The following PSD3 variants were observed in gnomAD, a reference collection of about 807,000 sequenced individuals.
PSD3 encodes the protein pleckstrin and Sec7 domain containing 3.
In PSD3, 49 loss-of-function variants were observed where a neutral mutation model predicts 105.5. That is an observed-to-expected ratio of 0.46 (90% CI 0.37 to 0.59). The LOEUF is 0.59. Ranked by LOEUF, PSD3 falls within the 20% of genes least tolerant of loss-of-function variation. The probability of loss-of-function intolerance (pLI) is 0.00; values close to 1 mark genes in which losing one functional copy is unlikely to be tolerated. For missense variants in PSD3, 1,561 were observed against 1,263.8 expected, an observed-to-expected ratio of 1.24 and a Z score of -3.57; for synonymous variants, 557 against 457.8, an observed-to-expected ratio of 1.22 and a Z score of -2.77.
At chr8:19,001,018 G>C (rs1173896054) in intron 1 of PSD3, 1 of 151,858 alleles carries the variant, frequency 6.6e-6, no homozygotes, top group African/African-American at 2.4e-5. Context: ...GAGTAAGAAG[G>C]AACTAAGCGC....
At chr8:19,081,735 T>C (rs1367890026) in intron 1 of PSD3, among the ~76,000 whole-genome samples, 1 of 152,202 alleles carries the variant, frequency 6.6e-6, no homozygotes, top group South Asian at 2.1e-4. Context: ...TTTTTTACTA[T>C]GGAGCCTGTG....
chr8:18,555,833 C>T (rs1801034274), intron 15 of PSD3, among the ~76,000 whole-genome samples: 1 of 152,158 alleles, frequency 6.6e-6, no homozygotes, highest in Non-Finnish European at 1.5e-5. Context: ...AACTATGTGG[C>T]TCATTTCCTC....
rs551351178 is a variant in PSD3 at position 18,993,094 on chromosome 8, C to T, written c.21+20469G>A. Among the ~76,000 whole-genome samples the T allele has an allele frequency of 1.4e-3, 217 of 152,216 alleles. 1 individual carries two copies. The highest frequency in any genetic ancestry group is 2.5e-3 in the Non-Finnish European group (167 of 68,004). Reference sequence around the variant, plus strand: ...CTAGGGAGTGACATAGCCTCTGTCCCATTAAAATTGGATTAAAATCCAAAA... The same window carrying T: ...CTAGGGAGTGACATAGCCTCTGTCCTATTAAAATTGGATTAAAATCCAAAA... On this transcript the variant is annotated intron_variant, in intron 1 of 15. Coordinates refer to ENST00000327040, the MANE Select transcript of PSD3 (RefSeq NM_015310.4).
intron 4 of PSD3, among the ~76,000 whole-genome samples, chr8:18,829,111 G>T (rs1813465843): frequency 6.6e-6 from 1 of 152,010 alleles, no homozygotes; most frequent in Non-Finnish European, 1.5e-5. Context: ...GTTGGGCATG[G>T]TGGCATGTGT....
intron 9 of PSD3, among the ~76,000 whole-genome samples, chr8:18,689,239 C>T (rs569879119): frequency 7.9e-5 from 12 of 152,156 alleles, no homozygotes; most frequent in South Asian, 4.2e-4. Flanking sequence ...CACATTCAGT[C>T]GGGGGTAGGA....
At chr8:18,574,235 C>T (rs747389078) in intron 13 of PSD3, among the ~76,000 whole-genome samples, 25 of 152,190 alleles carry the variant, frequency 1.6e-4, no homozygotes, top group African/African-American at 2.4e-4. Context: ...TGAGACCACT[C>T]TAAATGTCAG....
intron 1 of PSD3, among the ~76,000 whole-genome samples, chr8:18,969,388 G>A (rs1824493193): frequency 6.6e-6 from 1 of 152,152 alleles, no homozygotes; most frequent in Non-Finnish European, 1.5e-5. Context: ...TTAGCTTCAC[G>A]TTCAATTGCA....
chr8:18,665,768 T>C (rs1308521038), intron 9 of PSD3, among the ~76,000 whole-genome samples: 1 of 152,164 alleles, frequency 6.6e-6, no homozygotes. Flanking sequence ...AGAAGACTGT[T>C]TGAGCCTGGG....
At chr8:18,784,693 A>T (rs1808961815) in intron 8 of PSD3, among the ~76,000 whole-genome samples, 1 of 152,182 alleles carries the variant, frequency 6.6e-6, no homozygotes, top group East Asian at 1.9e-4. Context: ...CAAAGGATAT[A>T]GATAAACAGT....
intron 6 of PSD3, chr8:18,802,216 A>G (rs1204221381): frequency 4.2e-6 from 1 of 236,146 alleles, no homozygotes; most frequent in African/African-American, 2.2e-5. Context: ...TAATGGAATT[A>G]GTTTATGTAT....
chr8:18,924,305 C>A (rs758502963), intron 2 of PSD3, among the ~76,000 whole-genome samples: 2 of 152,106 alleles, frequency 1.3e-5, no homozygotes, highest in East Asian at 3.9e-4. Flanking sequence ...AGTTTAATAA[C>A]GGCCAAGGAA....
chr8:18,667,382 G>T (rs1210299789), intron 9 of PSD3, among the ~76,000 whole-genome samples: 4 of 152,060 alleles, frequency 2.6e-5, no homozygotes, highest in African/African-American at 9.7e-5. Context: ...AGTGCTGATT[G>T]GTGCATTTAC....
At chr8:19,001,164 A>G (rs1418886652) in intron 1 of PSD3, among the ~76,000 whole-genome samples, 1 of 151,636 alleles carries the variant, frequency 6.6e-6, no homozygotes, top group East Asian at 1.9e-4. Context: ...ATGTGATCAC[A>G]ACTCACTGCA....
chr8:19,045,370 C>T lies in PSD3; in HGVS notation c.324+38836G>A, dbSNP rs907551045. ...ACAATAGAAAAAGTTGACAAGGGAC[C>T]TGTATATCCCTCTCATATATCTCTC... On this transcript the variant is annotated intron_variant, in intron 1 of 1. Transcript: ENST00000521475. 2.6e-5 allele frequency among the ~76,000 whole-genome samples: 4 copies of T among 151,980 alleles called. 1 individual carries two copies. In the South Asian group the frequency reaches 6.2e-4, roughly 24 times the overall value.
chr8:18,899,272 C>T (rs1488519165), intron 2 of PSD3, among the ~76,000 whole-genome samples: 2 of 152,142 alleles, frequency 1.3e-5, no homozygotes, highest in African/African-American at 4.8e-5. Flanking sequence ...TTCCTCACCA[C>T]CCCTCATACC....
At chr8:18,714,217 G>A (rs1395144033) in intron 9 of PSD3, among the ~76,000 whole-genome samples, 3 of 152,058 alleles carry the variant, frequency 2.0e-5, no homozygotes, top group Admixed American at 6.6e-5. Flanking sequence ...ACATACGCAT[G>A]GGCAAAGATT....
chr8:18,913,936 T>G (rs113324951), intron 2 of PSD3, among the ~76,000 whole-genome samples: 9,753 of 152,198 alleles, frequency 0.064, 321 homozygotes, highest in Admixed American at 0.086. Flanking sequence ...TGCAGATCCA[T>G]GCTCTGGGCC....
chr8:18,535,111 C>A lies in PSD3; in HGVS notation c.*632G>T, dbSNP rs1799783002. The A allele has an allele frequency of 1.3e-5, 2 of 152,712 alleles. No individual in the cohort carries two copies. Among genetic ancestry groups the A allele is most frequent in the African/African-American group, 2.4e-5 (1 of 41,440 alleles). The allele number at this position is 152,712 out of a possible 1,614,324, so 9.5% of individuals were successfully genotyped here. On this transcript the variant is annotated 3_prime_UTR_variant, in exon 16 of 16. Coordinates refer to ENST00000327040, the MANE Select transcript of PSD3 (RefSeq NM_015310.4). ...TCAGCACTTCAAGCAAGCTAATGTGCTTCCCTAAGTTCTCAATCCTACGAT... is the reference window on the plus strand; with the variant it reads ...TCAGCACTTCAAGCAAGCTAATGTGATTCCCTAAGTTCTCAATCCTACGAT...
intron 9 of PSD3, among the ~76,000 whole-genome samples, chr8:18,674,113 T>C (rs1244060190): frequency 6.6e-6 from 1 of 151,540 alleles, no homozygotes; most frequent in African/African-American, 2.4e-5. Context: ...GCCACTGCAG[T>C]CCAGACTGGA....
Sources: gnomAD v4.1 joint callset for allele counts (sites outside exome capture counted in the v4.1 genomes callset) on GRCh38, gnomAD v4.1.1 for gene constraint, MANE v1.5 for transcripts, NCBI Gene and HGNC (gene_info 2026-07-23, HGNC 2026-07-21) for gene names.